Variants in CNTN4 observed in about 807,000 individuals in gnomAD.
CNTN4 encodes the protein contactin-4.
A neutral mutation model predicts 122.5 loss-of-function variants in CNTN4; 77 were observed. The observed-to-expected ratio is 0.63, with a 90% confidence interval of 0.52 to 0.76. CNTN4 has a LOEUF of 0.76. CNTN4 is among the 30% of genes least tolerant of loss of function. The probability of loss-of-function intolerance (pLI) is 0.00; values close to 1 mark genes in which losing one functional copy is unlikely to be tolerated. For synonymous variants in CNTN4, 512 were observed against 447.0 expected, an observed-to-expected ratio of 1.15 and a Z score of -1.83; for missense variants, 1,256 against 1,259.1, an observed-to-expected ratio of 1.00 and a Z score of 0.04.
At chr3:2,186,802 A>G (rs1159928917) in intron 2 of CNTN4, among the ~76,000 whole-genome samples, 2 of 152,078 alleles carry the variant, frequency 1.3e-5, no homozygotes, top group Admixed American at 6.6e-5. Context: ...AGTTTGTTTA[A>G]GTTCTTTGTA....
intron 13 of CNTN4, among the ~76,000 whole-genome samples, chr3:2,980,420 A>T (rs568739371): frequency 7.8e-6 from 1 of 128,982 alleles, no homozygotes; most frequent in African/African-American, 4.2e-5. Context: ...AATTCTTTTC[A>T]TCTTACTCCA....
At chr3:2,908,579 T>A (rs113926948) in intron 12 of CNTN4, among the ~76,000 whole-genome samples, 2 of 152,160 alleles carry the variant, frequency 1.3e-5, no homozygotes, top group African/African-American at 4.8e-5. Context: ...AAACTGTACC[T>A]CAGACCCATT....
chr3:2,348,059 GC>G (rs1362403704), intron 3 of CNTN4, among the ~76,000 whole-genome samples: 5 of 151,902 alleles, frequency 3.3e-5, no homozygotes, highest in Non-Finnish European at 7.4e-5. Flanking sequence ...TATAGTTTGA[GC>G]CCACCTTAGT....
intron 3 of CNTN4, among the ~76,000 whole-genome samples, chr3:2,450,225 G>A (rs1408512820): frequency 1.3e-5 from 2 of 152,028 alleles, no homozygotes; most frequent in South Asian, 2.1e-4. Flanking sequence ...AAATTAGCTG[G>A]TCATGCTGGC....
At chr3:2,738,144 T>C (rs1203888310) in intron 5 of CNTN4, among the ~76,000 whole-genome samples, 2 of 152,190 alleles carry the variant, frequency 1.3e-5, no homozygotes, top group African/African-American at 2.4e-5. Flanking sequence ...GCCGTAGCTA[T>C]AGGAAGCCCA....
intron 13 of CNTN4, among the ~76,000 whole-genome samples, chr3:2,932,862 G>A (rs968295059): frequency 1.1e-4 from 16 of 151,366 alleles, no homozygotes; most frequent in East Asian, 5.8e-4. Context: ...TCGCTCTGTC[G>A]CCCAGGCTGG....
Position 2,806,526 on chromosome 3 carries a change from A to G in CNTN4, c.359-12960A>G, listed in dbSNP as rs372275982. Among the ~76,000 whole-genome samples the G allele has an allele frequency of 7.9e-5, 12 of 152,332 alleles. No individual in the cohort carries two copies. In the South Asian group the frequency reaches 8.3e-4, roughly 11 times the overall value. On this transcript the variant is annotated intron_variant, in intron 6 of 24. Coordinates refer to ENST00000418658, the MANE Select transcript of CNTN4 (RefSeq NM_175607.3). ...CTATCCATCGCTGACACAGATGATC[A>G]CCATGCTAGTTTGTTCATTGTCTTC...
chr3:2,935,653 G>A (rs2094561447), intron 13 of CNTN4, among the ~76,000 whole-genome samples: 2 of 152,168 alleles, frequency 1.3e-5, no homozygotes, highest in South Asian at 2.1e-4. Context: ...GAAAAGGGAC[G>A]AAACAGTTTC....
At chr3:2,481,057 CTT>C (rs1251540466) in intron 3 of CNTN4, among the ~76,000 whole-genome samples, 1 of 141,770 alleles carries the variant, frequency 7.1e-6, no homozygotes, top group Non-Finnish European at 1.5e-5. Flanking sequence ...TTCTTTCTTT[CTT>C]TCTCTCTTTC....
At chr3:2,603,331 A>T (rs1034633617) in intron 4 of CNTN4, among the ~76,000 whole-genome samples, 2 of 152,156 alleles carry the variant, frequency 1.3e-5, no homozygotes, top group Admixed American at 1.3e-4. Flanking sequence ...TTCAGAAGGT[A>T]CTTTAGGATG....
chr3:3,056,063 T>G, intron 24 of CNTN4, 57 bp from the exon 25 acceptor site: 13 of 1,372,770 alleles, frequency 9.5e-6, no homozygotes, highest in Non-Finnish European at 1.2e-5. Context: ...CCGTGGCCCC[T>G]CTTCCCTTTG....
chr3:3,030,186 T>TA (rs967505301), intron 15 of CNTN4, among the ~76,000 whole-genome samples: 12 of 152,180 alleles, frequency 7.9e-5, no homozygotes, highest in African/African-American at 2.2e-4. Context: ...TCACATTTAT[T>TA]AAAAGTACTG....
At chr3:2,209,765 G>A (rs904939148) in intron 2 of CNTN4, among the ~76,000 whole-genome samples, 4 of 152,044 alleles carry the variant, frequency 2.6e-5, no homozygotes, top group Non-Finnish European at 5.9e-5. Flanking sequence ...AACTTCTGGG[G>A]AAAATTTTAA....
At chr3:2,794,296 G>T (rs1046797364) in intron 6 of CNTN4, among the ~76,000 whole-genome samples, 1 of 152,202 alleles carries the variant, frequency 6.6e-6, no homozygotes. Context: ...CTCAGGGTAT[G>T]CTTAGGAAGG....
At chr3:2,371,100 T>C (rs2045616348) in intron 3 of CNTN4, among the ~76,000 whole-genome samples, 1 of 152,164 alleles carries the variant, frequency 6.6e-6, no homozygotes, top group African/African-American at 2.4e-5. Flanking sequence ...TGGTTGCTGA[T>C]CATATATCCC....
intron 4 of CNTN4, among the ~76,000 whole-genome samples, chr3:2,721,796 G>A (rs1464359302): frequency 6.6e-6 from 1 of 152,064 alleles, no homozygotes; most frequent in East Asian, 1.9e-4. Context: ...TATTTGCTAT[G>A]GTCTGAAAGT....
At chr3:2,840,603 G>A (rs1490649818) in intron 7 of CNTN4, among the ~76,000 whole-genome samples, 3 of 100,552 alleles carry the variant, frequency 3.0e-5, no homozygotes, top group African/African-American at 9.1e-5. Flanking sequence ...GGAGGCTGAG[G>A]CGGGAGAATG....
chr3:2,672,435 G>A (rs571357303), intron 4 of CNTN4, among the ~76,000 whole-genome samples: 2 of 152,340 alleles, frequency 1.3e-5, no homozygotes, highest in African/African-American at 4.8e-5. Context: ...ATAATCTCCT[G>A]GTTTGCTGTT....
intron 2 of CNTN4, among the ~76,000 whole-genome samples, chr3:2,102,890 C>T (rs1395837140): frequency 1.3e-5 from 2 of 151,290 alleles, no homozygotes; most frequent in Admixed American, 6.6e-5. Context: ...TGTTCAATAA[C>T]TGTTACTTCC....
Sources: gnomAD v4.1 joint callset for allele counts (sites outside exome capture counted in the v4.1 genomes callset) on GRCh38, gnomAD v4.1.1 for gene constraint, MANE v1.5 for transcripts, NCBI Gene and HGNC (gene_info 2026-07-23, HGNC 2026-07-21) for gene names.